DACH1: variants seen among roughly 807,000 people sequenced by gnomAD.
DACH1 encodes dachshund family transcription factor 1.
In DACH1, 12 loss-of-function variants were observed where a neutral mutation model predicts 54.2. The ratio of observed to expected loss-of-function variants is 0.22; its 90% CI spans 0.14 to 0.36. DACH1 has a LOEUF of 0.36. Among genes scored for constraint, DACH1 ranks in the 10% least tolerant of loss-of-function variants. DACH1 has a pLI of 1.00. For synonymous variants in DACH1, 386 were observed against 366.2 expected (o/e 1.05, Z -0.62); for missense variants, 805 against 929.8 (o/e 0.87, Z 1.75).
rs1431959632 is a variant in DACH1, at chr13:71,654,440, A to AAAATAAAAT, written c.965-23732_965-23724dup. Among the ~76,000 whole-genome samples, 180 of 142,130 alleles carry AAAATAAAAT rather than the reference A, an allele frequency of 1.3e-3. 1 individual carries two copies. Among genetic ancestry groups the AAAATAAAAT allele is most frequent in the Non-Finnish European group, 2.2e-3 (147 of 65,742 alleles). 93.2% of individuals were successfully genotyped at this position (142,130 alleles called of 152,430 possible). On this transcript the variant is annotated intron_variant, in intron 2 of 10. Coordinates refer to ENST00000613252, the MANE Select transcript of DACH1 (RefSeq NM_080759.6). Reference sequence around the variant, plus strand: ...AAAATAAAATAAAATAAAATAAAATAAAATAAAATAAAATAAAGTAAAATA... The same window carrying AAAATAAAAT: ...AAAATAAAATAAAATAAAATAAAATAAAATAAAATAAATAAAATAAAATAAAGTAAAATA...
At chr13:71,549,093 T>C (rs972057327) in intron 6 of DACH1, among the ~76,000 whole-genome samples, 3 of 151,896 alleles carry the variant, frequency 2.0e-5, no homozygotes, top group African/African-American at 7.3e-5. Flanking sequence ...AGCAATATGC[T>C]AGTAAATTGC....
intron 2 of DACH1, among the ~76,000 whole-genome samples, chr13:71,646,065 C>T (rs550760876): frequency 1.5e-3 from 223 of 152,106 alleles, no homozygotes; most frequent in African/African-American, 5.2e-3. Flanking sequence ...CGGCCAGGTG[C>T]GGTGGCTCAT....
intron 10 of DACH1, among the ~76,000 whole-genome samples, chr13:71,457,224 T>C (rs1183347720): frequency 6.6e-6 from 1 of 152,056 alleles, no homozygotes; most frequent in East Asian, 1.9e-4. Context: ...CTATTCAATG[T>C]AAGTTTGATT....
intron 1 of DACH1, among the ~76,000 whole-genome samples, chr13:71,748,914 T>TTC (rs1884782061): frequency 1.6e-4 from 7 of 43,684 alleles, no homozygotes; most frequent in African/African-American, 2.9e-4. Flanking sequence ...CTTTCTTTCT[T>TTC]TCTTTCTTTC....
At chr13:71,770,837 C>T (rs1052182868) in intron 1 of DACH1, among the ~76,000 whole-genome samples, 1 of 151,458 alleles carries the variant, frequency 6.6e-6, no homozygotes, top group Non-Finnish European at 1.5e-5. Flanking sequence ...AGCCAGGTGC[C>T]TCTTTCCCTC....
chr13:71,855,153 T>C (rs375268895), intron 1 of DACH1, among the ~76,000 whole-genome samples: 3 of 152,200 alleles, frequency 2.0e-5, no homozygotes, highest in South Asian at 4.1e-4. Flanking sequence ...TTGGTTCTTA[T>C]TGGGAAATAA....
At chr13:71,602,196 T>C (rs1874542908) in intron 3 of DACH1, among the ~76,000 whole-genome samples, 1 of 152,000 alleles carries the variant, frequency 6.6e-6, no homozygotes, top group African/African-American at 2.4e-5. Context: ...ATTTTCAACA[T>C]TTCCTTTAAT....
intron 2 of DACH1, among the ~76,000 whole-genome samples, chr13:71,657,679 T>C (rs1436887793): frequency 6.6e-6 from 1 of 151,930 alleles, no homozygotes; most frequent in Non-Finnish European, 1.5e-5. Context: ...CAGTACAAAA[T>C]GTTGTGAATG....
chr13:71,488,110 T>C (rs535375343), intron 7 of DACH1, among the ~76,000 whole-genome samples: 112 of 152,256 alleles, frequency 7.4e-4, no homozygotes, highest in Non-Finnish European at 1.4e-3. Flanking sequence ...TTAATTACAT[T>C]TCCACTGGGG....
chr13:71,601,530 A>G (rs1394996296), intron 3 of DACH1, among the ~76,000 whole-genome samples: 2 of 152,042 alleles, frequency 1.3e-5, no homozygotes, highest in Admixed American at 6.6e-5. Flanking sequence ...AGAGTGAAGT[A>G]GAATACATTT....
At chr13:71,716,768 T>C (rs1482041234) in intron 1 of DACH1, among the ~76,000 whole-genome samples, 1 of 152,172 alleles carries the variant, frequency 6.6e-6, no homozygotes, top group Non-Finnish European at 1.5e-5. Context: ...AGGATAAAAG[T>C]ATTACTGTTT....
At chr13:71,626,981 G>A (rs1876691029) in intron 3 of DACH1, among the ~76,000 whole-genome samples, 1 of 151,964 alleles carries the variant, frequency 6.6e-6, no homozygotes, top group African/African-American at 2.4e-5. Context: ...GATTGTGGAT[G>A]AGGGAGAATG....
intron 1 of DACH1, among the ~76,000 whole-genome samples, chr13:71,707,369 G>T (rs552058333): frequency 6.6e-6 from 1 of 152,270 alleles, no homozygotes; most frequent in Admixed American, 6.5e-5. Flanking sequence ...TAAAATAAGG[G>T]ACCCTACATT....
intron 4 of DACH1, among the ~76,000 whole-genome samples, chr13:71,571,730 CTTTTT>C (rs756352766): frequency 1.5e-5 from 2 of 134,968 alleles, no homozygotes; most frequent in African/African-American, 5.4e-5. Flanking sequence ...GTAACAGGGC[CTTTTT>C]TTTTTTTTTT....
At chr13:71,505,367 C>A (rs1880228046) in intron 6 of DACH1, among the ~76,000 whole-genome samples, 1 of 152,184 alleles carries the variant, frequency 6.6e-6, no homozygotes, top group Non-Finnish European at 1.5e-5. Flanking sequence ...AGGCGTAAGC[C>A]ACTGCGCCCA....
intron 6 of DACH1, among the ~76,000 whole-genome samples, chr13:71,511,042 C>CT (rs975896954): frequency 6.6e-6 from 1 of 151,818 alleles, no homozygotes; most frequent in Non-Finnish European, 1.5e-5. Flanking sequence ...TTTGTTTTTG[C>CT]TTTTTTCTAC....
At chr13:71,702,161 T>C (rs985710507) in intron 1 of DACH1, among the ~76,000 whole-genome samples, 2 of 152,174 alleles carry the variant, frequency 1.3e-5, no homozygotes, top group African/African-American at 2.4e-5. Context: ...GCTCAAATTA[T>C]TCACATCTAA....
At chr13:71,496,306 TACACACACAAAAAG>T (rs1879428640) in intron 6 of DACH1, among the ~76,000 whole-genome samples, 10 of 46,102 alleles carry the variant, frequency 2.2e-4, no homozygotes, top group Admixed American at 4.2e-4. Flanking sequence ...TATATATATA[TACACACACAAAAAG>T]ATATGCAACA....
chr13:71,516,700 C>T (rs185372474), intron 6 of DACH1, among the ~76,000 whole-genome samples: 29 of 151,876 alleles, frequency 1.9e-4, no homozygotes, highest in Admixed American at 1.6e-3. Flanking sequence ...GTACAACAGC[C>T]GCTCCCTGCC....
Sources: allele counts gnomAD v4.1 joint callset (sites outside exome capture counted in the v4.1 genomes callset), GRCh38; gene constraint gnomAD v4.1.1; transcripts MANE v1.5; gene names NCBI Gene and HGNC (gene_info 2026-07-23, HGNC 2026-07-21).